The following FAM149B1 variants were observed in gnomAD, a reference collection of about 807,000 sequenced individuals.
FAM149B1 encodes family with sequence similarity 149 member B1.
In FAM149B1, 56 loss-of-function variants were observed where a neutral mutation model predicts 75.3. The observed-to-expected ratio is 0.74, with a 90% confidence interval of 0.60 to 0.93. FAM149B1 has a LOEUF of 0.93. Ranked by LOEUF, FAM149B1 falls within the 40% of genes least tolerant of loss-of-function variation. The probability of loss-of-function intolerance (pLI) is 0.00; values close to 1 mark genes in which losing one functional copy is unlikely to be tolerated. For synonymous variants in FAM149B1, 259 were observed against 256.1 expected (o/e 1.01, Z -0.11); for missense variants, 639 against 708.4 (o/e 0.90, Z 1.11).
rs2043104698 is a variant in FAM149B1, at chr10:73,207,978, T to C, written c.543-641T>C. Among the ~76,000 whole-genome samples the C allele has an allele frequency of 2.0e-5, 3 of 152,238 alleles. No homozygotes were observed. The South Asian group carries it at 6.2e-4, about 32-fold the overall frequency. Reference sequence around the variant, plus strand: ...TGAGACTTTTTGGAAACCATAATTGTATTTTGCAATGTGAGAAGGATATGA... The same window carrying C: ...TGAGACTTTTTGGAAACCATAATTGCATTTTGCAATGTGAGAAGGATATGA... On this transcript the variant is annotated intron_variant, in intron 5 of 13. Transcript: ENST00000242505.
At chr10:73,199,297 A>C (rs2133348220) in intron 5 of FAM149B1, among the ~76,000 whole-genome samples, 1 of 152,068 alleles carries the variant, frequency 6.6e-6, no homozygotes, top group Non-Finnish European at 1.5e-5. Context: ...CGCTCACTGC[A>C]AGCTCCGCCC....
At chr10:73,226,734 G>C in intron 7 of FAM149B1, among the ~76,000 whole-genome samples, 1 of 152,192 alleles carries the variant, frequency 6.6e-6, no homozygotes, top group Admixed American at 6.5e-5. Context: ...ATAAATGTTA[G>C]CTATTGTCAT....
chr10:73,178,163 G>A (rs1671178214), intron 3 of FAM149B1, among the ~76,000 whole-genome samples, 188 bp downstream of exon 3: 2 of 152,152 alleles, frequency 1.3e-5, no homozygotes, highest in Non-Finnish European at 2.9e-5. Context: ...TGATATAGTA[G>A]TTGAGCCTTA....
intron 7 of FAM149B1, among the ~76,000 whole-genome samples, chr10:73,213,208 T>C (rs1371892954): frequency 6.6e-6 from 1 of 152,246 alleles, no homozygotes; most frequent in African/African-American, 2.4e-5. Context: ...TGGGTTGAAA[T>C]CCTTGTAGAT....
chr10:73,238,308 T>C (rs949625421), intron 12 of FAM149B1, among the ~76,000 whole-genome samples: 4 of 152,258 alleles, frequency 2.6e-5, no homozygotes, highest in Admixed American at 1.3e-4. Flanking sequence ...GATCGTGCCA[T>C]TGCACTCCAA....
intron 5 of FAM149B1, among the ~76,000 whole-genome samples, chr10:73,199,008 C>T (rs1028637277): frequency 1.3e-5 from 2 of 152,012 alleles, no homozygotes; most frequent in African/African-American, 4.8e-5. Context: ...CTTCCTAATG[C>T]CTACACCTGG....
intron 7 of FAM149B1, among the ~76,000 whole-genome samples, chr10:73,212,930 CCTT>C (rs1307955795): frequency 2.6e-5 from 4 of 152,072 alleles, no homozygotes; most frequent in African/African-American, 9.7e-5. Context: ...GCGGCCTTGA[CCTT>C]CTGGGCTCAA....
intron 3 of FAM149B1, among the ~76,000 whole-genome samples, chr10:73,192,042 G>GGT (rs2042695981): frequency 6.6e-6 from 1 of 151,764 alleles, no homozygotes; most frequent in Non-Finnish European, 1.5e-5. Flanking sequence ...TAGGATTACT[G>GGT]GTGTGTACTA....
chr10:73,241,003 C>A lies in FAM149B1; in HGVS notation c.1733C>A (p.Thr578Asn). ...SQSGGRPVSR[T>N]RQGP is the part of the protein sequence containing the mutation. Reference sequence around the variant, plus strand: ...AGCGGAGGCAGACCAGTCTCTCGAACCAGGCAGGGACCATAAGGCAAATGA... The same window carrying A: ...AGCGGAGGCAGACCAGTCTCTCGAAACAGGCAGGGACCATAAGGCAAATGA... Residue 578 changes from threonine to asparagine, a missense_variant, in exon 14 of 14, where the codon ACC becomes AAC. Thr to Asn is a moderately conservative substitution (Grantham distance 65). Transcript: ENST00000242505. 6.5e-7 allele frequency: 1 copy of A among 1,541,122 alleles called. No homozygotes were observed. Among genetic ancestry groups the A allele is most frequent in the South Asian group, 1.2e-5 (1 of 83,756 alleles).
intron 5 of FAM149B1, among the ~76,000 whole-genome samples, chr10:73,203,735 G>A (rs1284877382): frequency 6.6e-6 from 1 of 151,910 alleles, no homozygotes; most frequent in East Asian, 1.9e-4. Context: ...TGCCTCCAGG[G>A]CTCAAGTGAT....
At chr10:73,175,085 A>G (rs1589133069) in intron 2 of FAM149B1, among the ~76,000 whole-genome samples, 1 of 152,198 alleles carries the variant, frequency 6.6e-6, no homozygotes, top group Admixed American at 6.5e-5. Flanking sequence ...AAAACAGAAC[A>G]TGGAGCTTGG....
chr10:73,198,345 A>G (rs905748325), intron 5 of FAM149B1, among the ~76,000 whole-genome samples: 1 of 152,266 alleles, frequency 6.6e-6, no homozygotes, highest in Non-Finnish European at 1.5e-5. Flanking sequence ...AAAAGCAAGA[A>G]CAGACAAATG....
intron 12 of FAM149B1, among the ~76,000 whole-genome samples, chr10:73,236,493 A>G (rs1012002657): frequency 2.7e-5 from 4 of 149,118 alleles, no homozygotes; most frequent in African/African-American, 9.9e-5. Flanking sequence ...AGCTCACTGC[A>G]ACCTCTGCCT....
rs1023615170 is a variant in FAM149B1 at position 73,241,828 on chromosome 10, C to T, written c.*809C>T. Reference sequence around the variant, plus strand: ...CTATTGAGCCACCAAAGTATAATTCCCTAAAAGTTTAAGAAACCCTGGCAA... The same window carrying T: ...CTATTGAGCCACCAAAGTATAATTCTCTAAAAGTTTAAGAAACCCTGGCAA... On this transcript the variant is annotated 3_prime_UTR_variant, in exon 14 of 14. Coordinates refer to ENST00000242505, the MANE Select transcript of FAM149B1 (RefSeq NM_173348.2). 5 of 152,072 alleles carry T rather than the reference C, an allele frequency of 3.3e-5. No homozygotes were observed. The highest frequency in any genetic ancestry group is 5.9e-5 in the Non-Finnish European group (4 of 68,022). 9.4% of individuals were successfully genotyped at this position (152,072 alleles called of 1,614,324 possible). A position where few individuals can be genotyped will look rare whatever the true frequency, so the allele number is the denominator to read the frequency against.
rs575229716 is a variant in FAM149B1, at chr10:73,174,299, G to T, written c.48-388G>T. Among the ~76,000 whole-genome samples, 12 of 152,072 alleles carry T rather than the reference G, an allele frequency of 7.9e-5. No individual in the cohort carries two copies. In the South Asian group the frequency reaches 2.3e-3, roughly 29 times the overall value. ...CCTGCCAGCAATGTATGAGACATCC[G>T]GTTTCTCCACATCCATGCCTGCATT... On this transcript the variant is annotated intron_variant, in intron 1 of 13. Transcript: ENST00000242505.
intron 3 of FAM149B1, among the ~76,000 whole-genome samples, chr10:73,191,598 CAA>C (rs540962815): frequency 3.0e-4 from 46 of 152,108 alleles, no homozygotes; most frequent in Non-Finnish European, 6.2e-4. Context: ...CTTGGCCTCG[CAA>C]AGTGCTGGGA....
chr10:73,196,253 C>T (rs1483630765), intron 5 of FAM149B1, among the ~76,000 whole-genome samples: 1 of 151,978 alleles, frequency 6.6e-6, no homozygotes, highest in East Asian at 1.9e-4. Context: ...GAGGCTAATA[C>T]AGTAGTATTA....
chr10:73,225,265 A>C (rs1052850881), intron 7 of FAM149B1, among the ~76,000 whole-genome samples: 2 of 152,236 alleles, frequency 1.3e-5, no homozygotes, highest in Non-Finnish European at 2.9e-5. Flanking sequence ...GAGGTATTCC[A>C]GAAGAAGGCA....
chr10:73,237,843 C>T (rs1275874780), intron 12 of FAM149B1, among the ~76,000 whole-genome samples: 1 of 152,166 alleles, frequency 6.6e-6, no homozygotes, highest in Non-Finnish European at 1.5e-5. Context: ...CCCACCGCAG[C>T]CTCCCAAGTA....
Sources: gnomAD v4.1 joint callset for allele counts (sites outside exome capture counted in the v4.1 genomes callset) on GRCh38, gnomAD v4.1.1 for gene constraint, MANE v1.5 for transcripts, NCBI Gene and HGNC (gene_info 2026-07-23, HGNC 2026-07-21) for gene names.